Variants in KIAA1549 observed in about 807,000 individuals in gnomAD.
The protein encoded by KIAA1549 is KIAA1549.
KIAA1549 carries 70 observed loss-of-function variants against 156.4 expected under a neutral mutation model. That is an observed-to-expected ratio of 0.45 (90% CI 0.37 to 0.55). The LOEUF is 0.55. Ranked by LOEUF, KIAA1549 falls within the 20% of genes least tolerant of loss-of-function variation. The pLI, the probability that KIAA1549 is intolerant of heterozygous loss-of-function variation, is 0.00. For missense variants in KIAA1549, 2,428 were observed against 2,540.9 expected (o/e 0.96, Z 0.96); for synonymous variants, 1,103 against 1,066.4 (o/e 1.03, Z -0.67).
At chr7:138,964,431 G>A (rs766030994) in intron 1 of KIAA1549, among the ~76,000 whole-genome samples, 4 of 152,222 alleles carry the variant, frequency 2.6e-5, no homozygotes, top group African/African-American at 4.8e-5. Flanking sequence ...TTCCTCATCT[G>A]TAAAATGGGG....
chr7:138,886,191 A>G (rs948744368), intron 10 of KIAA1549, among the ~76,000 whole-genome samples: 1 of 152,206 alleles, frequency 6.6e-6, no homozygotes, highest in Non-Finnish European at 1.5e-5. Flanking sequence ...AATATATTAC[A>G]CACAGAAACA....
At chr7:138,975,165 G>A (rs569602890) in intron 1 of KIAA1549, among the ~76,000 whole-genome samples, 1 of 152,270 alleles carries the variant, frequency 6.6e-6, no homozygotes, top group African/African-American at 2.4e-5. Context: ...CTCAGAGTGT[G>A]GGGACCACAA....
intron 1 of KIAA1549, among the ~76,000 whole-genome samples, chr7:138,938,738 A>G (rs946199077): frequency 1.3e-5 from 2 of 152,206 alleles, no homozygotes; most frequent in African/African-American, 4.8e-5. Context: ...AAACAACCCA[A>G]TTTTGGCATT....
At position 138,943,653 on chromosome 7, in the gene KIAA1549, T is replaced by C. The variant is rs533324882; in HGVS notation, c.188-24215A>G. On this transcript the variant is annotated intron_variant, in intron 1 of 19. Coordinates refer to ENST00000422774, the MANE Select transcript of KIAA1549 (RefSeq NM_001164665.2). ...TCACAAGGTCAGGAGATCGAGACCATCCTGGCTAACATGGTGAAACCCCGT... is the reference window on the plus strand; with the variant it reads ...TCACAAGGTCAGGAGATCGAGACCACCCTGGCTAACATGGTGAAACCCCGT... 4.6e-5 allele frequency among the ~76,000 whole-genome samples: 7 copies of C among 152,134 alleles called. No homozygotes were observed. The East Asian group carries it at 1.2e-3, about 25-fold the overall frequency.
At chr7:138,869,897 T>A (rs533453909) in intron 13 of KIAA1549, 136 bp from the exon 14 acceptor site, 27 of 662,240 alleles carry the variant, frequency 4.1e-5, no homozygotes, top group Admixed American at 8.6e-5. Context: ...TTGCCCAGGC[T>A]GGAGTGCAAT....
At chr7:138,863,273 C>T (rs1810641548) in intron 15 of KIAA1549, among the ~76,000 whole-genome samples, 1 of 151,340 alleles carries the variant, frequency 6.6e-6, no homozygotes. Flanking sequence ...GCTTCACTTG[C>T]CACGTGCCTG....
At chr7:138,924,959 A>T (rs1246069334) in intron 1 of KIAA1549, among the ~76,000 whole-genome samples, 1 of 151,958 alleles carries the variant, frequency 6.6e-6, no homozygotes, top group Non-Finnish European at 1.5e-5. Context: ...TGGACCCCGG[A>T]CTCCTGCACC....
intron 11 of KIAA1549, 21 bp downstream of exon 11, chr7:138,881,367 T>A: frequency 6.2e-7 from 1 of 1,604,744 alleles, no homozygotes; most frequent in South Asian, 1.1e-5. Context: ...CAAAGAATAA[T>A]ACAGAAAGCC....
intron 19 of KIAA1549, 81 bp from the exon 20 acceptor site, chr7:138,838,241 T>A: frequency 7.2e-7 from 1 of 1,392,386 alleles, no homozygotes; most frequent in Non-Finnish European, 9.4e-7. Context: ...TTAGGAAGGT[T>A]CCCAGGACTG....
At chr7:138,903,331 T>TTCTGC (rs560526687) in intron 8 of KIAA1549, among the ~76,000 whole-genome samples, 95 of 152,308 alleles carry the variant, frequency 6.2e-4, no homozygotes, top group South Asian at 3.3e-3. Context: ...AGTAAGACAA[T>TTCTGC]TCTGCTCTGC....
At chr7:138,867,918 C>T in intron 15 of KIAA1549, 57 bp downstream of exon 15, 2 of 1,581,870 alleles carry the variant, frequency 1.3e-6, no homozygotes, top group East Asian at 4.5e-5. Context: ...CCTTTCAGCG[C>T]ATCTTTCTAG....
At chr7:138,900,034 C>T (rs2130444385) in intron 8 of KIAA1549, among the ~76,000 whole-genome samples, 1 of 152,328 alleles carries the variant, frequency 6.6e-6, no homozygotes, top group Middle Eastern at 3.4e-3. Flanking sequence ...GCTCCGAGCT[C>T]CTTATTTTAC....
At chr7:138,958,991 C>G (rs1028983666) in intron 1 of KIAA1549, among the ~76,000 whole-genome samples, 1 of 152,078 alleles carries the variant, frequency 6.6e-6, no homozygotes, top group African/African-American at 2.4e-5. Flanking sequence ...CATCCGCCTC[C>G]CAGATTCAAG....
intron 1 of KIAA1549, among the ~76,000 whole-genome samples, chr7:138,939,349 A>C (rs1339023139): frequency 6.6e-6 from 1 of 152,220 alleles, no homozygotes; most frequent in African/African-American, 2.4e-5. Flanking sequence ...GGATCCAAAC[A>C]AGGTACATAC....
rs546335930 is a variant in KIAA1549, at chr7:138,831,771, C to A, written c.*6135G>T. On this transcript the variant is annotated 3_prime_UTR_variant, in exon 20 of 20. Transcript: ENST00000422774. ...CTTGACAAAGGAGGGAGAGACAAGT[C>A]AGTACTCCAGGGCAGCTCTGCCGAG... is the stretch of plus-strand genomic sequence containing the variant. The A allele has an allele frequency of 4.3e-6, 1 of 232,262 alleles. No individual in the cohort carries two copies. The highest frequency in any genetic ancestry group is 8.5e-6 in the Non-Finnish European group (1 of 117,418). The allele number at this position is 232,262 out of a possible 1,614,324, so 14.4% of individuals were successfully genotyped here.
chr7:138,844,680 G>C (rs1042650988), intron 17 of KIAA1549, among the ~76,000 whole-genome samples: 8 of 152,256 alleles, frequency 5.3e-5, no homozygotes, highest in Non-Finnish European at 8.8e-5. Flanking sequence ...TCCAGCACTA[G>C]AACAGCGCCT....
chr7:138,919,301 C>T lies in KIAA1549; in HGVS notation c.325G>A (p.Val109Ile). Residue 109 changes from valine (V) to isoleucine (I), a missense_variant, in exon 2 of 20, where the codon GTC becomes ATC. Physicochemically the swap from Val to Ile is conservative, Grantham distance 29 (BLOSUM62 3). Coordinates refer to ENST00000422774, the MANE Select transcript of KIAA1549 (RefSeq NM_001164665.2). ...GTAGTGGCAGACGGCGGGGCTGTGA[C>T]ATGGAGAGGACTGCTGTGCTGGGAG... ...PGSQHSSPLH[V>I]TAPPSATTFD... The T allele has an allele frequency of 1.2e-6, 2 of 1,613,998 alleles. No homozygotes were observed. Among genetic ancestry groups the T allele is most frequent in the Non-Finnish European group, 1.7e-6 (2 of 1,179,898 alleles).
intron 16 of KIAA1549, among the ~76,000 whole-genome samples, chr7:138,855,664 T>A (rs1810366528): frequency 6.6e-6 from 1 of 152,222 alleles, no homozygotes; most frequent in African/African-American, 2.4e-5. Context: ...ACTTGGGTAC[T>A]GAATATTCAT....
chr7:138,926,765 A>C lies in KIAA1549; in HGVS notation c.188-7327T>G, dbSNP rs940327599. ...TATCTTCTACCAAGTTACCTCTCCA[A>C]CTGGTACTGGTTTTATTATCAAATA... is the stretch of plus-strand genomic sequence containing the variant. On this transcript the variant is annotated intron_variant, in intron 1 of 19. Coordinates refer to ENST00000422774, the MANE Select transcript of KIAA1549 (RefSeq NM_001164665.2). Among the ~76,000 whole-genome samples, 7 of 151,990 alleles carry C rather than the reference A, an allele frequency of 4.6e-5. No individual in the cohort carries two copies. In the East Asian group the frequency reaches 1.3e-3, roughly 29 times the overall value.
Sources: gnomAD v4.1 joint callset for allele counts (sites outside exome capture counted in the v4.1 genomes callset) on GRCh38, gnomAD v4.1.1 for gene constraint, MANE v1.5 for transcripts, NCBI Gene and HGNC (gene_info 2026-07-23, HGNC 2026-07-21) for gene names.